The following MEI4 variants were observed in gnomAD, a reference collection of about 807,000 sequenced individuals.
The protein encoded by MEI4 is meiotic double-stranded break formation protein 4, also known as meiosis-specific protein MEI4.
A neutral mutation model predicts 31.4 loss-of-function variants in MEI4; 27 were observed. The ratio of observed to expected loss-of-function variants is 0.86; its 90% CI spans 0.63 to 1.19. The LOEUF is 1.19. Ranked by LOEUF, MEI4 falls within the 50% of genes most tolerant of loss-of-function variation. The probability of loss-of-function intolerance (pLI) is 0.00; values close to 1 mark genes in which losing one functional copy is unlikely to be tolerated. For missense variants in MEI4, 329 were observed against 398.9 expected (o/e 0.82, Z 1.49); for synonymous variants, 122 against 145.4 (o/e 0.84, Z 1.16).
chr6:77,681,831 A>G (rs1367218056), intron 1 of MEI4, among the ~76,000 whole-genome samples: 1 of 152,202 alleles, frequency 6.6e-6, no homozygotes, highest in African/African-American at 2.4e-5. Flanking sequence ...TTATCTTTGC[A>G]AGCCTTCTGT....
intron 1 of MEI4, among the ~76,000 whole-genome samples, chr6:77,680,115 C>CAAAAAAAAAAACAAAA (rs1768925890): frequency 2.5e-5 from 1 of 39,754 alleles, no homozygotes; most frequent in Non-Finnish European, 4.2e-5. Context: ...ACTAAAAATA[C>CAAAAAAAAAAACAAAA]AAAAAAAAAA....
At chr6:77,835,402 AC>A (rs777067238) in intron 4 of MEI4, among the ~76,000 whole-genome samples, 19,192 of 131,800 alleles carry the variant, frequency 0.15, 1,562 homozygotes, top group East Asian at 0.25. Flanking sequence ...ACACACACAC[AC>A]AAATAAAAAA....
At chr6:77,742,499 C>T (rs1767438720) in intron 2 of MEI4, among the ~76,000 whole-genome samples, 1 of 152,096 alleles carries the variant, frequency 6.6e-6, no homozygotes, top group African/African-American at 2.4e-5. Context: ...TATTTGAGTT[C>T]ATTGTAGATT....
intron 4 of MEI4, among the ~76,000 whole-genome samples, chr6:77,845,457 C>A (rs1163198635): frequency 2.0e-5 from 3 of 152,088 alleles, no homozygotes; most frequent in Non-Finnish European, 4.4e-5. Context: ...GACTGGATCT[C>A]TATGCAATTT....
At chr6:77,737,537 A>T (rs768450425) in intron 2 of MEI4, among the ~76,000 whole-genome samples, 6 of 152,226 alleles carry the variant, frequency 3.9e-5, no homozygotes, top group South Asian at 2.1e-4. Flanking sequence ...AGAAAGTGGT[A>T]GTAATATTTA....
chr6:77,919,099 A>T (rs1445589192), intron 4 of MEI4, among the ~76,000 whole-genome samples: 12 of 152,066 alleles, frequency 7.9e-5, no homozygotes, highest in Non-Finnish European at 1.6e-4. Context: ...CAAGACAGAA[A>T]GTCAACAAGG....
chr6:77,900,336 GTA>G (rs373908436), intron 4 of MEI4, among the ~76,000 whole-genome samples: 1 of 151,430 alleles, frequency 6.6e-6, no homozygotes, highest in Non-Finnish European at 1.5e-5. Flanking sequence ...TCATTACTGG[GTA>G]TATATATATA....
chr6:77,883,751 T>TAA (rs1771557624), intron 4 of MEI4, among the ~76,000 whole-genome samples: 8 of 145,966 alleles, frequency 5.5e-5, no homozygotes, highest in Non-Finnish European at 1.2e-4. Context: ...TATAACTTTG[T>TAA]CTTTGTCTAT....
At chr6:77,740,918 A>G (rs557908359) in intron 2 of MEI4, among the ~76,000 whole-genome samples, 1 of 152,256 alleles carries the variant, frequency 6.6e-6, no homozygotes, top group African/African-American at 2.4e-5. Context: ...TACCCTGAAG[A>G]ACCTCGTCTT....
At chr6:77,772,414 T>A (rs762774186) in intron 3 of MEI4, among the ~76,000 whole-genome samples, 3 of 152,006 alleles carry the variant, frequency 2.0e-5, no homozygotes, top group Non-Finnish European at 2.9e-5. Flanking sequence ...TGGTTCAGCA[T>A]ACACAAATCA....
intron 3 of MEI4, among the ~76,000 whole-genome samples, chr6:77,791,994 CTA>C (rs1410528226): frequency 6.6e-6 from 1 of 152,206 alleles, no homozygotes; most frequent in Non-Finnish European, 1.5e-5. Flanking sequence ...CTCTTTACTG[CTA>C]TGAGTTCAAC....
rs140587381 is a variant in MEI4, at chr6:77,875,016, G to A, written c.900+45954G>A. Among the ~76,000 whole-genome samples the A allele has an allele frequency of 5.3e-3, 801 of 152,210 alleles. 8 individuals are homozygous for A. Among genetic ancestry groups the A allele is most frequent in the African/African-American group, 0.018 (757 of 41,534 alleles). On this transcript the variant is annotated intron_variant, in intron 4 of 4. Coordinates refer to ENST00000684080, the MANE Select transcript of MEI4 (RefSeq NM_001322247.2). ...GTGGTCATAGCTGAAGGAACCCTTA[G>A]CTTTTTTGTATGTGTACATGGACCT...
chr6:77,805,460 A>G (rs1769405521), intron 3 of MEI4, among the ~76,000 whole-genome samples: 1 of 152,186 alleles, frequency 6.6e-6, no homozygotes, highest in Non-Finnish European at 1.5e-5. Flanking sequence ...TCAACTTAAG[A>G]AAACTGTGTT....
At chr6:77,762,324 A>T (rs911028754) in intron 3 of MEI4, among the ~76,000 whole-genome samples, 2 of 152,186 alleles carry the variant, frequency 1.3e-5, no homozygotes, top group African/African-American at 4.8e-5. Context: ...TTCTTTCTTA[A>T]CAAGTGACAT....
chr6:77,787,005 G>A lies in MEI4; in HGVS notation c.768+25340G>A, dbSNP rs924494657. Among the ~76,000 whole-genome samples the A allele has an allele frequency of 5.3e-5, 8 of 152,146 alleles. 1 individual carries two copies. The highest frequency in any genetic ancestry group is 1.9e-4 in the African/African-American group (8 of 41,442). On this transcript the variant is annotated intron_variant, in intron 3 of 4. Coordinates refer to ENST00000684080, the MANE Select transcript of MEI4 (RefSeq NM_001322247.2). ...GTTGCCCAGCAAGCTTGACAACACTGGACGCACAGCAGATTCTGAAATGGT... is the reference window on the plus strand; with the variant it reads ...GTTGCCCAGCAAGCTTGACAACACTAGACGCACAGCAGATTCTGAAATGGT...
intron 3 of MEI4, among the ~76,000 whole-genome samples, chr6:77,821,005 A>G (rs1157948294): frequency 6.6e-6 from 1 of 151,830 alleles, no homozygotes; most frequent in Non-Finnish European, 1.5e-5. Context: ...TTGCATGCAC[A>G]TCATTTCTCT....
chr6:77,808,535 C>A (rs78599401), intron 3 of MEI4, among the ~76,000 whole-genome samples: 3,751 of 152,118 alleles, frequency 0.025, 167 homozygotes, highest in African/African-American at 0.086. Flanking sequence ...CAGGAGAGGA[C>A]TAGGATTGGT....
chr6:77,787,158 T>C (rs74664330), intron 3 of MEI4, among the ~76,000 whole-genome samples: 2,557 of 151,996 alleles, frequency 0.017, 40 homozygotes, highest in Non-Finnish European at 0.023. Context: ...CTGTGGACAC[T>C]GAAGCAGCCA....
At chr6:77,909,005 A>G (rs1304833295) in intron 4 of MEI4, among the ~76,000 whole-genome samples, 1 of 152,134 alleles carries the variant, frequency 6.6e-6, no homozygotes, top group Non-Finnish European at 1.5e-5. Context: ...AAGCAGACCT[A>G]ATAGACATCT....
Sources: allele counts gnomAD v4.1 joint callset (sites outside exome capture counted in the v4.1 genomes callset), GRCh38; gene constraint gnomAD v4.1.1; transcripts MANE v1.5; gene names NCBI Gene and HGNC (gene_info 2026-07-23, HGNC 2026-07-21).